The following STK24 variants were observed in gnomAD, a reference collection of about 807,000 sequenced individuals.
STK24 encodes serine/threonine kinase 24, also known as serine/threonine-protein kinase 24.
A neutral mutation model predicts 55.6 loss-of-function variants in STK24; 21 were observed. That is an observed-to-expected ratio of 0.38 (90% CI 0.27 to 0.54). The LOEUF is 0.54. Among genes scored for constraint, STK24 ranks in the 20% least tolerant of loss-of-function variants. The pLI is 0.79. For synonymous variants in STK24, 200 were observed against 215.2 expected, an observed-to-expected ratio of 0.93 and a Z score of 0.62; for missense variants, 383 against 538.4, an observed-to-expected ratio of 0.71 and a Z score of 2.86.
intron 2 of STK24, among the ~76,000 whole-genome samples, chr13:98,513,207 G>A (rs752116339): frequency 6.6e-6 from 1 of 152,178 alleles, no homozygotes; most frequent in Non-Finnish European, 1.5e-5. Flanking sequence ...GTCCTGCCAC[G>A]GACATCATGG....
chr13:98,541,956 C>T (rs1441850578), intron 1 of STK24, among the ~76,000 whole-genome samples: 1 of 152,202 alleles, frequency 6.6e-6, no homozygotes, highest in African/African-American at 2.4e-5. Context: ...AAAATAAAAT[C>T]GTGCATTTCA....
At chr13:98,465,108 C>T (rs551041810) in intron 6 of STK24, among the ~76,000 whole-genome samples, 34 of 152,326 alleles carry the variant, frequency 2.2e-4, no homozygotes, top group African/African-American at 8.2e-4. Context: ...GAATGTGCTT[C>T]CCAAGGAAAC....
chr13:98,467,565 G>C (rs769682155), intron 5 of STK24, among the ~76,000 whole-genome samples: 1 of 152,036 alleles, frequency 6.6e-6, no homozygotes, highest in Non-Finnish European at 1.5e-5. Context: ...TCCCAAATTC[G>C]GGATTTGTCT....
chr13:98,453,826 T>A (rs564709430), intron 10 of STK24: 1 of 150,840 alleles, frequency 6.6e-6, no homozygotes, highest in South Asian at 2.1e-4. Context: ...ATATATATAT[T>A]AAAGCAATAT....
At chr13:98,471,203 C>T (rs1894129123) in intron 5 of STK24, among the ~76,000 whole-genome samples, 1 of 152,138 alleles carries the variant, frequency 6.6e-6, no homozygotes, top group African/African-American at 2.4e-5. Flanking sequence ...GTACGCAGTG[C>T]AGTAGACAGG....
At chr13:98,485,561 G>A (rs955665503) in intron 2 of STK24, among the ~76,000 whole-genome samples, 1 of 152,208 alleles carries the variant, frequency 6.6e-6, no homozygotes, top group African/African-American at 2.4e-5. Flanking sequence ...CTAATCTTGT[G>A]GCTAATGTTA....
chr13:98,561,243 G>C (rs1897410933), intron 1 of STK24, among the ~76,000 whole-genome samples: 1 of 152,162 alleles, frequency 6.6e-6, no homozygotes, highest in Non-Finnish European at 1.5e-5. Context: ...GCACTGCCAG[G>C]GATGAGAGGA....
chr13:98,481,764 A>G (rs1035897135), intron 3 of STK24, among the ~76,000 whole-genome samples: 5 of 152,112 alleles, frequency 3.3e-5, no homozygotes, highest in Non-Finnish European at 7.4e-5. Context: ...AAGCAGACAG[A>G]CAGGCATGAG....
At chr13:98,575,773 G>A (rs1391162185) in intron 1 of STK24, among the ~76,000 whole-genome samples, 1 of 152,130 alleles carries the variant, frequency 6.6e-6, no homozygotes, top group East Asian at 1.9e-4. Flanking sequence ...TATCCTAACT[G>A]CATCCTAAGA....
At chr13:98,510,133 C>T (rs534802261) in intron 2 of STK24, among the ~76,000 whole-genome samples, 46 of 152,322 alleles carry the variant, frequency 3.0e-4, no homozygotes, top group African/African-American at 9.9e-4. Context: ...TACCCCAGGA[C>T]GTGTGGGAGC....
At chr13:98,544,151 A>G (rs1896971001) in intron 1 of STK24, among the ~76,000 whole-genome samples, 1 of 152,100 alleles carries the variant, frequency 6.6e-6, no homozygotes, top group African/African-American at 2.4e-5. Context: ...ACTAGGAACT[A>G]CTCTCACCTG....
At chr13:98,520,198 C>T (rs1250160131) in intron 1 of STK24, among the ~76,000 whole-genome samples, 1 of 152,250 alleles carries the variant, frequency 6.6e-6, no homozygotes, top group Non-Finnish European at 1.5e-5. Context: ...CAGCTGAGTT[C>T]TCAAAGGGGG....
chr13:98,502,599 C>A lies in STK24; in HGVS notation c.273+16644G>T, dbSNP rs772295588. ...GTGACTTCAGGAACAGGTTTGTTAT[C>A]GTGAGAGTGGGTCGTTATACAGCAA... On this transcript the variant is annotated intron_variant, in intron 2 of 10. Transcript: ENST00000539966. 2.8e-4 allele frequency among the ~76,000 whole-genome samples: 42 copies of A among 152,250 alleles called. No individual in the cohort carries two copies. In the Middle Eastern group the frequency reaches 0.01, roughly 37 times the overall value.
intron 9 of STK24, among the ~76,000 whole-genome samples, chr13:98,458,476 A>C (rs942561147): frequency 6.6e-6 from 1 of 152,142 alleles, no homozygotes; most frequent in Non-Finnish European, 1.5e-5. Context: ...CAGGAACTAG[A>C]AGGGTCTGAC....
At chr13:98,543,082 G>C in intron 1 of STK24, 3 of 943,852 alleles carry the variant, frequency 3.2e-6, no homozygotes, top group Non-Finnish European at 3.8e-6. Context: ...AGGGGGGAGA[G>C]GCCGCAGCTC....
intron 1 of STK24, among the ~76,000 whole-genome samples, chr13:98,555,616 T>C (rs1897269103): frequency 6.6e-6 from 1 of 150,512 alleles, no homozygotes; most frequent in Non-Finnish European, 1.5e-5. Flanking sequence ...AACCTCACTC[T>C]CAACAGAAAA....
At chr13:98,473,259 G>GGAAAGGAAGGAGGGA (rs368321348) in intron 5 of STK24, among the ~76,000 whole-genome samples, 2 of 60 alleles carry the variant, frequency 0.033, no homozygotes, top group African/African-American at 0.071. Flanking sequence ...AGAGAAGGAA[G>GGAAAGGAAGGAGGGA]GGGAGGAAGG....
chr13:98,448,009 G>C lies in STK24; in HGVS notation c.*5164C>G. 1.7e-6 allele frequency: 1 copy of C among 571,432 alleles called. No homozygotes were observed. The highest frequency in any genetic ancestry group is 3.1e-5 in the Admixed American group (1 of 32,140). The allele number at this position is 571,432 out of a possible 1,614,324, so 35.4% of individuals were successfully genotyped here. On this transcript the variant is annotated 3_prime_UTR_variant, in exon 11 of 11. Coordinates refer to ENST00000539966, the MANE Select transcript of STK24 (RefSeq NM_001032296.4). ...CTCCAATGGAGCGGGCAGTGTCACTGCAGCAAGGTACTTCCAGCTCCACAC... is the reference window on the plus strand; with the variant it reads ...CTCCAATGGAGCGGGCAGTGTCACTCCAGCAAGGTACTTCCAGCTCCACAC...
intron 5 of STK24, among the ~76,000 whole-genome samples, chr13:98,473,457 G>C (rs9517317): frequency 0.54 from 81,540 of 150,622 alleles, 22,325 homozygotes; most frequent in Non-Finnish European, 0.58. Context: ...GATAAATGGG[G>C]TCAGCTTAAA....
Sources: gnomAD v4.1 joint callset for allele counts (sites outside exome capture counted in the v4.1 genomes callset) on GRCh38, gnomAD v4.1.1 for gene constraint, MANE v1.5 for transcripts, NCBI Gene and HGNC (gene_info 2026-07-23, HGNC 2026-07-21) for gene names.